TBC1D1: variants seen among roughly 807,000 people sequenced by gnomAD.
TBC1D1 encodes TBC1 (tre-2/USP6, BUB2, cdc16) domain family, member 1.
Under a neutral mutation model 125.6 loss-of-function variants are expected in TBC1D1, and 89 were observed. The ratio of observed to expected loss-of-function variants is 0.71; its 90% CI spans 0.60 to 0.85. The LOEUF (loss-of-function observed/expected upper bound fraction) is 0.85, where lower values mean the gene tolerates loss of function less well. TBC1D1 is among the 40% of genes least tolerant of loss of function. The probability of loss-of-function intolerance (pLI) is 0.00; values close to 1 mark genes in which losing one functional copy is unlikely to be tolerated. For missense variants in TBC1D1, 1,377 were observed against 1,469.2 expected (o/e 0.94, Z 1.03); for synonymous variants, 565 against 564.1 (o/e 1.00, Z -0.02).
At chr4:38,076,501 G>C (rs1378263247) in intron 12 of TBC1D1, among the ~76,000 whole-genome samples, 1 of 152,040 alleles carries the variant, frequency 6.6e-6, no homozygotes, top group Non-Finnish European at 1.5e-5. Flanking sequence ...ATTCCTACTT[G>C]GGCATGCTTA....
At chr4:37,934,931 G>A (rs910614308) in intron 2 of TBC1D1, among the ~76,000 whole-genome samples, 1 of 151,886 alleles carries the variant, frequency 6.6e-6, no homozygotes, top group Non-Finnish European at 1.5e-5. Context: ...TTTATTCTGT[G>A]ACCCCAGCTG....
intron 8 of TBC1D1, among the ~76,000 whole-genome samples, chr4:38,039,950 GT>G (rs113070415): frequency 3.1e-4 from 45 of 145,122 alleles, no homozygotes; most frequent in Middle Eastern, 3.6e-3. Context: ...CCCCATCTCT[GT>G]TTTTTTTTTT....
intron 2 of TBC1D1, among the ~76,000 whole-genome samples, chr4:38,007,484 C>T (rs929580987): frequency 2.6e-5 from 4 of 151,996 alleles, no homozygotes; most frequent in Non-Finnish European, 4.4e-5. Flanking sequence ...AACTTCTGAC[C>T]TCAAATGATC....
At chr4:38,123,936 C>T (rs994248345) in intron 17 of TBC1D1, among the ~76,000 whole-genome samples, 8 of 152,154 alleles carry the variant, frequency 5.3e-5, no homozygotes, top group African/African-American at 1.9e-4. Flanking sequence ...TAAATGTTAT[C>T]ATATTAACCA....
intron 7 of TBC1D1, among the ~76,000 whole-genome samples, chr4:38,028,333 T>G (rs13119543): frequency 0.067 from 10,221 of 152,108 alleles, 388 homozygotes; most frequent in East Asian, 0.15. Context: ...GCCTGGCTAA[T>G]TTTTGTATTT....
At chr4:37,919,253 C>T (rs1224706624) in intron 2 of TBC1D1, among the ~76,000 whole-genome samples, 2 of 150,354 alleles carry the variant, frequency 1.3e-5, no homozygotes, top group African/African-American at 2.5e-5. Flanking sequence ...CTGCAACCTC[C>T]ACCTCCTGGG....
chr4:38,114,496 C>T (rs190599765), intron 15 of TBC1D1, among the ~76,000 whole-genome samples: 1 of 152,198 alleles, frequency 6.6e-6, no homozygotes, highest in African/African-American at 2.4e-5. Flanking sequence ...AACGTGTGGC[C>T]TAGATCCACC....
In TBC1D1 at chr4:37,917,993, A is replaced by G. The variant is rs184668853; in HGVS notation, c.417+15481A>G. On this transcript the variant is annotated intron_variant, in intron 2 of 19. Transcript: ENST00000261439. ...GAGGAGCTGGCATGACTTAGAGCCCATAGTTGCCCTGTGCTACTTCCATGA... is the reference window on the plus strand; with the variant it reads ...GAGGAGCTGGCATGACTTAGAGCCCGTAGTTGCCCTGTGCTACTTCCATGA... 2.3e-3 allele frequency among the ~76,000 whole-genome samples: 348 copies of G among 152,342 alleles called. 1 individual carries two copies. The highest frequency in any genetic ancestry group is 3.7e-3 in the Non-Finnish European group (250 of 68,044).
At chr4:38,073,169 G>A (rs1300320389) in intron 12 of TBC1D1, among the ~76,000 whole-genome samples, 1 of 152,170 alleles carries the variant, frequency 6.6e-6, no homozygotes, top group Non-Finnish European at 1.5e-5. Context: ...CGATCATAGT[G>A]TAGTTCTGTG....
In TBC1D1 at chr4:38,076,952, C is replaced by G. The variant is rs554165361; in HGVS notation, c.2051-12980C>G. Among the ~76,000 whole-genome samples, 4 of 152,280 alleles carry G rather than the reference C, an allele frequency of 2.6e-5. No individual in the cohort carries two copies. In the South Asian group the frequency reaches 8.3e-4, roughly 32 times the overall value. ...CCAGGCTCCTGTATCTGAGTTCTCTCTCCTTCCACAGTGGAGCTCATACCT... is the reference window on the plus strand; with the variant it reads ...CCAGGCTCCTGTATCTGAGTTCTCTGTCCTTCCACAGTGGAGCTCATACCT... On this transcript the variant is annotated intron_variant, in intron 12 of 19. Coordinates refer to ENST00000261439, the MANE Select transcript of TBC1D1 (RefSeq NM_015173.4).
intron 2 of TBC1D1, among the ~76,000 whole-genome samples, chr4:37,956,670 G>C (rs1368530558): frequency 6.6e-6 from 1 of 151,930 alleles, no homozygotes; most frequent in East Asian, 1.9e-4. Context: ...AGTGTAGCCG[G>C]GCACAGTGGC....
intron 2 of TBC1D1, chr4:37,960,944 C>T (rs1346267688): frequency 1.9e-6 from 3 of 1,614,184 alleles, no homozygotes; most frequent in Non-Finnish European, 2.5e-6. Context: ...TGAAAATGCC[C>T]TCTCCACCAT....
At chr4:38,027,665 C>A in intron 6 of TBC1D1, 123 bp from the exon 7 acceptor site, 1 of 524,290 alleles carries the variant, frequency 1.9e-6, no homozygotes, top group Non-Finnish European at 3.4e-6. Context: ...TTTTTTATTT[C>A]CTAAAACCTT....
Position 37,995,574 on chromosome 4 carries a change from A to G in TBC1D1, c.418-18935A>G, listed in dbSNP as rs1578197860. The G allele has an allele frequency of 2.3e-6, 1 of 440,816 alleles. No homozygotes were observed. The highest frequency in any genetic ancestry group is 1.7e-5 in the South Asian group (1 of 57,358). The allele number at this position is 440,816 out of a possible 1,614,324, so 27.3% of individuals were successfully genotyped here. A position where few individuals can be genotyped will look rare whatever the true frequency, so the allele number is the denominator to read the frequency against. ...TGCTGATGATATGATAAAGCTCAGCACAGAAGGCCTTCAGGTCCAGTACCC... is the reference window on the plus strand; with the variant it reads ...TGCTGATGATATGATAAAGCTCAGCGCAGAAGGCCTTCAGGTCCAGTACCC... On this transcript the variant is annotated intron_variant, in intron 2 of 19. Coordinates refer to ENST00000261439, the MANE Select transcript of TBC1D1 (RefSeq NM_015173.4). This position sits in a 1 kb window ranked among gnomAD's most constrained non-coding sequence, Gnocchi z 4.3.
chr4:38,087,163 A>T (rs1385444413), intron 12 of TBC1D1, among the ~76,000 whole-genome samples: 1 of 152,268 alleles, frequency 6.6e-6, no homozygotes, highest in Admixed American at 6.5e-5. Flanking sequence ...GAAAAAGATC[A>T]CAAAAGTAGA....
rs774908432 is a variant in TBC1D1 at position 38,021,717 on chromosome 4, G to A, written c.1209G>A (p.Glu403=). The A allele has an allele frequency of 2.6e-6, 4 of 1,560,628 alleles. No individual in the cohort carries two copies. Among genetic ancestry groups the A allele is most frequent in the Non-Finnish European group, 2.6e-6 (3 of 1,155,550 alleles). The stretch of plus-strand genomic sequence containing the variant: ...TGCACAAGCTCTGTGAGAGGATAGA[G>A]GGTGAGTAGGGGACCCTTTCCAGCA... The change falls in exon 6 of 20, where the codon GAG becomes GAA. Residue 403 remains glutamate (E), a splice_region_variant and synonymous_variant. Transcript: ENST00000261439.
intron 15 of TBC1D1, chr4:38,112,206 C>A: frequency 4.4e-6 from 2 of 453,504 alleles, no homozygotes; most frequent in Non-Finnish European, 5.8e-6. Context: ...GTTCTACCTG[C>A]TTGTGAGTTC....
At chr4:38,097,698 G>A (rs1002968311) in intron 14 of TBC1D1, among the ~76,000 whole-genome samples, 3 of 151,576 alleles carry the variant, frequency 2.0e-5, no homozygotes, top group Non-Finnish European at 4.4e-5. Context: ...GGCTGGTCTT[G>A]AACTCTGGAC....
chr4:38,012,555 G>A (rs1741738573), intron 2 of TBC1D1, among the ~76,000 whole-genome samples: 1 of 151,458 alleles, frequency 6.6e-6, no homozygotes, highest in Admixed American at 6.6e-5. Context: ...GATTACAGGT[G>A]TGCACTAACA....
Sources: gnomAD v4.1 joint callset for allele counts (sites outside exome capture counted in the v4.1 genomes callset) on GRCh38, gnomAD v4.1.1 for gene constraint, Gnocchi (gnomAD v3.1) non-coding constraint, MANE v1.5 for transcripts, NCBI Gene and HGNC (gene_info 2026-07-23, HGNC 2026-07-21) for gene names.